The following AGBL1 variants were observed in gnomAD, a reference collection of about 807,000 sequenced individuals.
AGBL1 encodes the protein cytosolic carboxypeptidase 4.
A neutral mutation model predicts 118.9 loss-of-function variants in AGBL1; 130 were observed. The ratio of observed to expected loss-of-function variants is 1.09; its 90% CI spans 0.95 to 1.26. The LOEUF (loss-of-function observed/expected upper bound fraction) is 1.26, where lower values mean the gene tolerates loss of function less well. AGBL1 is among the 50% of genes most tolerant of loss of function. The pLI, the probability that AGBL1 is intolerant of heterozygous loss-of-function variation, is 0.00. For synonymous variants in AGBL1, 555 were observed against 478.9 expected, an observed-to-expected ratio of 1.16 and a Z score of -2.08; for missense variants, 1,584 against 1,298.1, an observed-to-expected ratio of 1.22 and a Z score of -3.38.
At chr15:86,872,043 A>G (rs1356200532) in intron 22 of AGBL1, among the ~76,000 whole-genome samples, 1 of 152,200 alleles carries the variant, frequency 6.6e-6, no homozygotes, top group African/African-American at 2.4e-5. Context: ...GTGATGCTGA[A>G]ATGAATTTCA....
chr15:86,623,391 A>G (rs2084841064), intron 21 of AGBL1, among the ~76,000 whole-genome samples: 1 of 152,174 alleles, frequency 6.6e-6, no homozygotes, highest in African/African-American at 2.4e-5. Flanking sequence ...TGTGATTCAG[A>G]AGGGCAGTCT....
intron 21 of AGBL1, among the ~76,000 whole-genome samples, chr15:86,565,934 C>T (rs1048974273): frequency 5.9e-5 from 9 of 152,334 alleles, no homozygotes; most frequent in Middle Eastern, 3.4e-3. Context: ...CTGAGCCAGG[C>T]GCGGGATATA....
intron 22 of AGBL1, among the ~76,000 whole-genome samples, chr15:86,695,423 T>C (rs752051875): frequency 6.6e-6 from 1 of 152,068 alleles, no homozygotes; most frequent in Non-Finnish European, 1.5e-5. Flanking sequence ...TGTATTTCTG[T>C]GGTGTCAGTT....
At chr15:86,573,448 C>T (rs556941941) in intron 21 of AGBL1, among the ~76,000 whole-genome samples, 13 of 152,186 alleles carry the variant, frequency 8.5e-5, no homozygotes, top group Admixed American at 6.5e-4. Flanking sequence ...TTTAGGCTTC[C>T]GGAAATGTTG....
At chr15:86,328,654 CAT>C (rs1811381029) in intron 17 of AGBL1, among the ~76,000 whole-genome samples, 1 of 152,088 alleles carries the variant, frequency 6.6e-6, no homozygotes, top group African/African-American at 2.4e-5. Context: ...GTGTCTATCT[CAT>C]AAAATTTGAG....
intron 21 of AGBL1, among the ~76,000 whole-genome samples, chr15:86,648,686 G>A (rs2085324373): frequency 6.6e-6 from 1 of 152,198 alleles, no homozygotes; most frequent in Non-Finnish European, 1.5e-5. Context: ...AAGAATTGAA[G>A]TGTAGAGACT....
intron 17 of AGBL1, among the ~76,000 whole-genome samples, chr15:86,353,630 TAATG>T (rs1489141108): frequency 6.6e-6 from 1 of 152,154 alleles, no homozygotes; most frequent in Non-Finnish European, 1.5e-5. Flanking sequence ...ATAAGGGAAA[TAATG>T]AAAGTAGCAG....
chr15:86,735,503 A>ATCTATCTG lies in AGBL1; in HGVS notation c.3158+61074_3158+61075insGTCTATCT, dbSNP rs529802377. 5.4e-3 allele frequency among the ~76,000 whole-genome samples: 764 copies of ATCTATCTG among 142,324 alleles called. 8 individuals are homozygous for ATCTATCTG. The highest frequency in any genetic ancestry group is 0.018 in the African/African-American group (719 of 40,722). 93.4% of individuals were successfully genotyped at this position (142,324 alleles called of 152,430 possible). On this transcript the variant is annotated intron_variant, in intron 22 of 22. Transcript: ENST00000614907. ...TATATTGAAGATCATTAGAACATCTATCTATCTATCTATCTATAAATCAAA... is the reference window on the plus strand; with the variant it reads ...TATATTGAAGATCATTAGAACATCTATCTATCTGTCTATCTATCTATCTATAAATCAAA...
chr15:86,765,525 G>A (rs2078085321), intron 22 of AGBL1, among the ~76,000 whole-genome samples: 1 of 151,912 alleles, frequency 6.6e-6, no homozygotes, highest in Non-Finnish European at 1.5e-5. Context: ...TTGCAGAGGA[G>A]CAGCCATTGC....
intron 22 of AGBL1, among the ~76,000 whole-genome samples, chr15:86,756,070 G>A (rs1047916354): frequency 6.6e-6 from 1 of 152,082 alleles, no homozygotes; most frequent in Admixed American, 6.6e-5. Flanking sequence ...ATTCCCCAAG[G>A]GGCATGCAGA....
intron 21 of AGBL1, among the ~76,000 whole-genome samples, chr15:86,617,203 G>A (rs2084741475): frequency 6.6e-6 from 1 of 152,176 alleles, no homozygotes; most frequent in Non-Finnish European, 1.5e-5. Flanking sequence ...CCCTTTGACA[G>A]GAATTTGGAC....
At chr15:86,822,940 T>G (rs377569310) in intron 22 of AGBL1, among the ~76,000 whole-genome samples, 3 of 152,106 alleles carry the variant, frequency 2.0e-5, no homozygotes, top group Non-Finnish European at 2.9e-5. Flanking sequence ...GTAGATGATA[T>G]AGAAATCTTA....
intron 19 of AGBL1, among the ~76,000 whole-genome samples, chr15:86,528,038 T>G (rs2881465): frequency 0.44 from 67,261 of 152,060 alleles, 15,926 homozygotes; most frequent in East Asian, 0.69. Flanking sequence ...TGTATAATTA[T>G]GGTGCTACGT....
intron 22 of AGBL1, among the ~76,000 whole-genome samples, chr15:86,741,965 T>G (rs1341115139): frequency 6.7e-6 from 1 of 149,008 alleles, no homozygotes. Context: ...TTAATTCTCT[T>G]TATCCACTGG....
chr15:86,630,774 A>G (rs1472454330), intron 21 of AGBL1: 2 of 152,250 alleles, frequency 1.3e-5, no homozygotes, highest in African/African-American at 4.8e-5. Flanking sequence ...GTAAATAAAT[A>G]ATAGGTAAAT....
intron 22 of AGBL1, among the ~76,000 whole-genome samples, chr15:86,837,973 T>G (rs2079192226): frequency 6.6e-6 from 1 of 152,214 alleles, no homozygotes; most frequent in Non-Finnish European, 1.5e-5. Context: ...CACTGCCATC[T>G]TCATGATGAA....
intron 18 of AGBL1, among the ~76,000 whole-genome samples, chr15:86,485,863 T>C (rs2082706044): frequency 6.6e-6 from 1 of 152,126 alleles, no homozygotes; most frequent in African/African-American, 2.4e-5. Flanking sequence ...TCCAAAGGTT[T>C]AAACTTTGAA....
chr15:86,197,375 A>T (rs1015608852), intron 5 of AGBL1, among the ~76,000 whole-genome samples: 1 of 152,244 alleles, frequency 6.6e-6, no homozygotes, highest in African/African-American at 2.4e-5. Context: ...AAGTAAGGAC[A>T]TCAAAAGCCA....
intron 22 of AGBL1, among the ~76,000 whole-genome samples, chr15:86,762,094 T>A (rs903463923): frequency 1.3e-5 from 2 of 152,026 alleles, no homozygotes; most frequent in African/African-American, 4.8e-5. Flanking sequence ...TGGAAGCCAT[T>A]ATCCTCAGCA....
Sources: allele counts gnomAD v4.1 joint callset (sites outside exome capture counted in the v4.1 genomes callset), GRCh38; gene constraint gnomAD v4.1.1; transcripts MANE v1.5; gene names NCBI Gene and HGNC (gene_info 2026-07-23, HGNC 2026-07-21).